The following LRRC32 variants were observed in gnomAD, a reference collection of about 807,000 sequenced individuals.
LRRC32 encodes transforming growth factor beta activator LRRC32.
In LRRC32, 5 loss-of-function variants were observed where a neutral mutation model predicts 15.0. That is an observed-to-expected ratio of 0.33 (90% CI 0.17 to 0.70). LRRC32 has a LOEUF of 0.70. Among genes scored for constraint, LRRC32 ranks in the 30% least tolerant of loss-of-function variants. The pLI is 0.66. For synonymous variants in LRRC32, 391 were observed against 403.9 expected, an observed-to-expected ratio of 0.97 and a Z score of 0.38; for missense variants, 803 against 854.2, an observed-to-expected ratio of 0.94 and a Z score of 0.75.
chr11:76,665,819 T>G, intron 2 of LRRC32, 52 bp downstream of exon 2: 2 of 1,612,146 alleles, frequency 1.2e-6, no homozygotes, highest in Non-Finnish European at 1.7e-6. Context: ...TAGCACACCC[T>G]AGGGCAGGGA....
At position 76,660,332 on chromosome 11, in the gene LRRC32, G is replaced by A. The variant is rs755080998; in HGVS notation, c.1261C>T (p.Arg421Ter). ...TCTGGCCCCCCACAGGGGCTGACTC[G>A]GTTCCCCTGCAGGTTGAGCCGCTGC... ...SLQRLNLQGNRVSPCGGPDEP... is the reference protein window; with the variant it reads ...SLQRLNLQGN Residue 421 changes from arginine to a stop codon, truncating the protein, a stop_gained, in exon 3 of 3, where the codon CGA becomes TGA. Coordinates refer to ENST00000260061, the MANE Select transcript of LRRC32 (RefSeq NM_001128922.2). LOFTEE classifies it high-confidence loss of function. 8 of 1,608,566 alleles carry A rather than the reference G, an allele frequency of 5.0e-6. No individual in the cohort carries two copies. The highest frequency in any genetic ancestry group is 4.5e-5 in the East Asian group (2 of 44,800).
rs1952435517 is a variant in LRRC32, at chr11:76,657,545, T to C, written c.*2059A>G. On this transcript the variant is annotated 3_prime_UTR_variant, in exon 3 of 3. Transcript: ENST00000260061. ...ACACTGCTTCTCCAAAATTAGTTTT[T>C]AATACATTCAGGTAGGTTATACAAA... 1 of 152,910 alleles carries C rather than the reference T, an allele frequency of 6.5e-6. No individual in the cohort carries two copies. Among genetic ancestry groups the C allele is most frequent in the South Asian group, 2.1e-4 (1 of 4,834 alleles). 9.5% of individuals were successfully genotyped at this position (152,910 alleles called of 1,614,324 possible). A position where few individuals can be genotyped will look rare whatever the true frequency, so the allele number is the denominator to read the frequency against.
In LRRC32 at chr11:76,659,586, G is replaced by A; in HGVS notation, c.*18C>T. The A allele has an allele frequency of 6.2e-7, 1 of 1,609,438 alleles. No homozygotes were observed. The highest frequency in any genetic ancestry group is 8.5e-7 in the Non-Finnish European group (1 of 1,177,258). ...TACCTCAGGCTCCCCCACTGACCTA[G>A]AGTGTCTCCCGGCTTCTTTAGGCTT... is the stretch of plus-strand genomic sequence containing the variant. On this transcript the variant is annotated 3_prime_UTR_variant, in exon 3 of 3. Coordinates refer to ENST00000260061, the MANE Select transcript of LRRC32 (RefSeq NM_001128922.2).
Position 76,660,778 on chromosome 11 carries a change from A to C in LRRC32, c.815T>G (p.Leu272Trp). 1 of 1,613,812 alleles carries C rather than the reference A, an allele frequency of 6.2e-7. No individual in the cohort carries two copies. The highest frequency in any genetic ancestry group is 2.2e-5 in the East Asian group (1 of 44,854). ...GGGGAGCCGGATGAGGTTGTTGGACAAGTTCAGGTAGATGAGTCTCGGGAG... is the reference window on the plus strand; with the variant it reads ...GGGGAGCCGGATGAGGTTGTTGGACCAGTTCAGGTAGATGAGTCTCGGGAG... Reference protein sequence around the residue: ...AALPRLIYLNLSNNLIRLPTG... With the variant: ...AALPRLIYLNWSNNLIRLPTG... Residue 272 changes from leucine (L) to tryptophan (W), a missense_variant, in exon 3 of 3, where the codon TTG becomes TGG. Leu to Trp is a moderately conservative substitution (Grantham distance 61). Coordinates refer to ENST00000260061, the MANE Select transcript of LRRC32 (RefSeq NM_001128922.2).
At chr11:76,666,169 C>T (rs189609144) in intron 1 of LRRC32, among the ~76,000 whole-genome samples, 41 of 152,296 alleles carry the variant, frequency 2.7e-4, no homozygotes, top group African/African-American at 6.3e-4. Flanking sequence ...GCCAAGGAGC[C>T]GCCCATTACC....
In LRRC32 at chr11:76,660,497, T is replaced by C; in HGVS notation, c.1096A>G (p.Met366Val). The C allele has an allele frequency of 6.2e-7, 1 of 1,614,076 alleles. No individual in the cohort carries two copies. The highest frequency in any genetic ancestry group is 8.5e-7 in the Non-Finnish European group (1 of 1,180,002). Residue 366 changes from methionine (M) to valine (V), a missense_variant, in exon 3 of 3, where the codon ATG becomes GTG. Met to Val is a conservative substitution (Grantham distance 21). Transcript: ENST00000260061. ...GCATTGTGGCTTAAGTCAAGGAGCA[T>C]CAGGCAGGGCAGGGAGCCTAAGCGC... ...ARRLGSLPCL[M>V]LLDLSHNALE...
intron 1 of LRRC32, chr11:76,669,678 C>T (rs1374015979): frequency 6.6e-6 from 1 of 152,108 alleles, no homozygotes; most frequent in Non-Finnish European, 1.5e-5. Context: ...TGTGTTTTCT[C>T]CAGCACATGC....
chr11:76,660,738 C>A lies in LRRC32; in HGVS notation c.855G>T (p.Gln285His), dbSNP rs773038200. The A allele has an allele frequency of 6.2e-7, 1 of 1,614,068 alleles. No individual in the cohort carries two copies. Among genetic ancestry groups the A allele is most frequent in the Non-Finnish European group, 8.5e-7 (1 of 1,180,008 alleles). The change falls in exon 3 of 3, where the codon CAG (glutamine) becomes CAT (histidine). Residue 285 changes from glutamine to histidine, a missense_variant. Physicochemically the swap from Gln to His is conservative, Grantham distance 24 (BLOSUM62 0). Transcript: ENST00000260061. ...NLIRLPTGPPQDSKGIHAPSE... is the reference protein window; with the variant it reads ...NLIRLPTGPPHDSKGIHAPSE... ...AAGGTGCGTGGATGCCCTTGCTGTCCTGGGGTGGCCCTGTGGGGAGCCGGA... is the reference window on the plus strand; with the variant it reads ...AAGGTGCGTGGATGCCCTTGCTGTCATGGGGTGGCCCTGTGGGGAGCCGGA...
At chr11:76,670,216 C>A (rs534093275) in intron 1 of LRRC32, among the ~76,000 whole-genome samples, 1 of 152,170 alleles carries the variant, frequency 6.6e-6, no homozygotes, top group African/African-American at 2.4e-5. Flanking sequence ...TACCCCACTA[C>A]GAGAAATGGG....
rs1256551522 is a variant in LRRC32 at position 76,660,963 on chromosome 11, G to C, written c.630C>G (p.Thr210=). The C allele has an allele frequency of 6.2e-7, 1 of 1,614,218 alleles. No homozygotes were observed. Among genetic ancestry groups the C allele is most frequent in the Admixed American group, 1.7e-5 (1 of 60,034 alleles). Residue 210 remains threonine (T), a synonymous_variant, in exon 3 of 3, where the codon ACC becomes ACG. Coordinates refer to ENST00000260061, the MANE Select transcript of LRRC32 (RefSeq NM_001128922.2). ...GCTGGAGGCTGAAGTCGGAGATGCAGGTGAGGGAATTCCTGGAGAGGTTGA... is the reference window on the plus strand; with the variant it reads ...GCTGGAGGCTGAAGTCGGAGATGCACGTGAGGGAATTCCTGGAGAGGTTGA... ...THLNLSRNSL[T]CISDFSLQQL...
At chr11:76,669,283 C>G (rs1031182273) in intron 1 of LRRC32, among the ~76,000 whole-genome samples, 23 of 151,366 alleles carry the variant, frequency 1.5e-4, no homozygotes, top group African/African-American at 5.1e-4. Context: ...GACAAGTGGC[C>G]TGGGCAAGAG....
intron 2 of LRRC32, 105 bp from the exon 3 acceptor site, chr11:76,661,613 C>G: frequency 1.4e-6 from 2 of 1,446,304 alleles, no homozygotes; most frequent in South Asian, 2.9e-5. Flanking sequence ...GAACCCTTCT[C>G]CCATGGACTC....
intron 1 of LRRC32, among the ~76,000 whole-genome samples, chr11:76,666,729 C>T (rs1319423639): frequency 1.3e-5 from 2 of 152,256 alleles, no homozygotes; most frequent in African/African-American, 2.4e-5. Flanking sequence ...CCCAGTGCTG[C>T]TGGAGGCTCA....
Position 76,665,949 on chromosome 11 carries a change from T to G in LRRC32, c.6A>C (p.Arg2Ser). Reference sequence around the variant, plus strand: ...GGGCCAGGAGCAGCAGGATCTGGGGTCTCATGGCTCTGTGTAAGGCGGAGA... The same window carrying G: ...GGGCCAGGAGCAGCAGGATCTGGGGGCTCATGGCTCTGTGTAAGGCGGAGA... M[R>S]PQILLLLALL... Residue 2 changes from arginine (R) to serine (S), a missense_variant, in exon 2 of 3, where the codon AGA (arginine) becomes AGC (serine). By Grantham distance (110) the Arg-to-Ser change is moderately radical. Transcript: ENST00000260061. 1 of 1,613,776 alleles carries G rather than the reference T, an allele frequency of 6.2e-7. No homozygotes were observed. Among genetic ancestry groups the G allele is most frequent in the Non-Finnish European group, 8.5e-7 (1 of 1,179,842 alleles).
intron 1 of LRRC32, 121 bp from the exon 2 acceptor site, chr11:76,666,079 G>A: frequency 1.2e-6 from 1 of 855,916 alleles, no homozygotes; most frequent in South Asian, 1.5e-5. Context: ...GGCTGGAGCT[G>A]GAATAAAGAT....
rs774164103 is a variant in LRRC32, at chr11:76,660,915, G to T, written c.678C>A (p.Ser226Arg). 14 of 1,614,218 alleles carry T rather than the reference G, an allele frequency of 8.7e-6. No homozygotes were observed. The Admixed American group carries it at 2.2e-4, about 25-fold the overall frequency. ...TCTGAAAGGCCTCGATGCTGTTGCA[G>T]CTCAGGTCTAGCACCCGCAGCTGCT... ...SLQQLRVLDL[S>R]CNSIEAFQTA... Residue 226 changes from serine (S) to arginine (R), a missense_variant, in exon 3 of 3, where the codon AGC (serine) becomes AGA (arginine). Physicochemically the swap from Ser to Arg is moderately radical, Grantham distance 110 (BLOSUM62 -1). Transcript: ENST00000260061.
chr11:76,664,230 C>T (rs1465649513), intron 2 of LRRC32, among the ~76,000 whole-genome samples: 1 of 152,218 alleles, frequency 6.6e-6, no homozygotes. Context: ...GGGCCCAAGA[C>T]CCCTGCTCTA....
At chr11:76,662,244 T>A (rs531105830) in intron 2 of LRRC32, among the ~76,000 whole-genome samples, 72 of 152,292 alleles carry the variant, frequency 4.7e-4, no homozygotes, top group African/African-American at 1.6e-3. Flanking sequence ...AGGGAAAAGA[T>A]GGCCAGAGCC....
At position 76,658,228 on chromosome 11, in the gene LRRC32, C is replaced by T. The variant is rs751545338; in HGVS notation, c.*1376G>A. 1 of 152,406 alleles carries T rather than the reference C, an allele frequency of 6.6e-6. No homozygotes were observed. The highest frequency in any genetic ancestry group is 2.1e-4 in the South Asian group (1 of 4,828). 9.4% of individuals were successfully genotyped at this position (152,406 alleles called of 1,614,324 possible). A position where few individuals can be genotyped will look rare whatever the true frequency, so the allele number is the denominator to read the frequency against. Reference sequence around the variant, plus strand: ...AGCTCTCCACAAGTTTCATTCTCTTCCTAAGCCTCAGTTTCCCCATCTGTG... The same window carrying T: ...AGCTCTCCACAAGTTTCATTCTCTTTCTAAGCCTCAGTTTCCCCATCTGTG... On this transcript the variant is annotated 3_prime_UTR_variant, in exon 3 of 3. Coordinates refer to ENST00000260061, the MANE Select transcript of LRRC32 (RefSeq NM_001128922.2).
Sources: allele counts gnomAD v4.1 joint callset (sites outside exome capture counted in the v4.1 genomes callset), GRCh38; gene constraint gnomAD v4.1.1; transcripts MANE v1.5; gene names NCBI Gene and HGNC (gene_info 2026-07-23, HGNC 2026-07-21).